DERL1: variants seen among roughly 807,000 people sequenced by gnomAD.
DERL1 encodes derlin-1.
DERL1 carries 24 observed loss-of-function variants against 41.6 expected under a neutral mutation model. The ratio of observed to expected loss-of-function variants is 0.58; its 90% CI spans 0.42 to 0.81. DERL1 has a LOEUF of 0.81. Ranked by LOEUF, DERL1 falls within the 30% of genes least tolerant of loss-of-function variation. DERL1 has a pLI of 0.00. For synonymous variants in DERL1, 124 were observed against 112.5 expected, an observed-to-expected ratio of 1.10 and a Z score of -0.65; for missense variants, 260 against 314.3, an observed-to-expected ratio of 0.83 and a Z score of 1.31.
intron 7 of DERL1, chr8:123,018,866 T>C (rs1814677950): frequency 3.1e-6 from 1 of 327,656 alleles, no homozygotes; most frequent in Non-Finnish European, 5.7e-6. Context: ...CCCACTAACC[T>C]GTGACTCTGC....
chr8:123,029,028 A>T (rs186592725), intron 2 of DERL1, among the ~76,000 whole-genome samples: 30 of 152,014 alleles, frequency 2.0e-4, no homozygotes, highest in African/African-American at 7.2e-4. Flanking sequence ...TGACTGTGCC[A>T]CTATACTCCA....
intron 3 of DERL1, among the ~76,000 whole-genome samples, chr8:123,024,282 T>G (rs1356128190): frequency 6.6e-6 from 1 of 152,208 alleles, no homozygotes; most frequent in Non-Finnish European, 1.5e-5. Context: ...ATAGCATGGT[T>G]AAAGTCCAAA....
intron 7 of DERL1, chr8:123,017,969 A>C (rs1814621115): frequency 6.6e-6 from 1 of 152,218 alleles, no homozygotes; most frequent in Non-Finnish European, 1.5e-5. Context: ...TCTTAAAGAA[A>C]AACACACACA....
chr8:123,013,562 C>CT lies in DERL1; in HGVS notation c.*1884dup. The CT allele has an allele frequency of 6.6e-6, 1 of 152,190 alleles. No individual in the cohort carries two copies. The highest frequency in any genetic ancestry group is 2.1e-4 in the South Asian group (1 of 4,834). 9.4% of individuals were successfully genotyped at this position (152,190 alleles called of 1,614,324 possible). ...CAAAATCAATAACGTCATCAGCTTC[C>CT]TAACCATGTTTAAGAGGAATAACTT... On this transcript the variant is annotated 3_prime_UTR_variant, in exon 8 of 8. Coordinates refer to ENST00000259512, the MANE Select transcript of DERL1 (RefSeq NM_024295.6).
At chr8:123,019,358 A>G in intron 6 of DERL1, 53 bp from the exon 7 acceptor site, 2 of 1,262,266 alleles carry the variant, frequency 1.6e-6, no homozygotes, top group Admixed American at 1.8e-5. Context: ...GAGATGCACC[A>G]AGTTTTAACT....
chr8:123,014,263 G>C lies in DERL1; in HGVS notation c.*1184C>G, dbSNP rs1282409137. On this transcript the variant is annotated 3_prime_UTR_variant, in exon 8 of 8. Coordinates refer to ENST00000259512, the MANE Select transcript of DERL1 (RefSeq NM_024295.6). ...TGATTCACAGAGCTTGTACATTCAT[G>C]ACTCAAAATAACACACCCTCAAACC... 1 of 152,634 alleles carries C rather than the reference G, an allele frequency of 6.6e-6. No individual in the cohort carries two copies. Among genetic ancestry groups the C allele is most frequent in the Non-Finnish European group, 1.5e-5 (1 of 68,054 alleles). The allele number at this position is 152,634 out of a possible 1,614,324, so 9.5% of individuals were successfully genotyped here.
At chr8:123,038,040 T>C (rs1029494804) in intron 1 of DERL1, among the ~76,000 whole-genome samples, 4 of 152,216 alleles carry the variant, frequency 2.6e-5, no homozygotes, top group Non-Finnish European at 4.4e-5. Flanking sequence ...GACAACAGTA[T>C]AATGAGTCTT....
chr8:123,033,138 T>C (rs1179750317), intron 1 of DERL1, among the ~76,000 whole-genome samples: 23 of 152,156 alleles, frequency 1.5e-4, no homozygotes, highest in Admixed American at 7.2e-4. Context: ...GCTGAAATTA[T>C]AGGCATGAGC....
rs145524578 is a variant in DERL1 at position 123,030,761 on chromosome 8, G to A, written c.154-45C>T. On this transcript the variant is annotated intron_variant, in intron 1 of 7. Transcript: ENST00000259512. ...CACAGCTGTTAGTTTCTGTAAGCCT[G>A]GTTATTTCTTTCCCTTCTAACTAAA... 589 of 1,363,692 alleles carry A rather than the reference G, an allele frequency of 4.3e-4. 2 individuals are homozygous for A. The African/African-American group carries it at 7.6e-3, about 18-fold the overall frequency. 84.5% of individuals were successfully genotyped at this position (1,363,692 alleles called of 1,614,324 possible).
In DERL1 at chr8:123,021,499, C is replaced by T. The variant is rs1814766467; in HGVS notation, c.454G>A (p.Ala152Thr). 21 of 1,613,562 alleles carry T rather than the reference C, an allele frequency of 1.3e-5. No individual in the cohort carries two copies. Among genetic ancestry groups the T allele is most frequent in the Non-Finnish European group, 1.8e-5 (21 of 1,179,616 alleles). Reference sequence around the variant, plus strand: ...AGGATAACCCAGGGTAAATAGCAGGCCTAGGATGGAATGAATATATGCAAA... The same window carrying T: ...AGGATAACCCAGGGTAAATAGCAGGTCTAGGATGGAATGAATATATGCAAA... ...VSFWFGTRFKACYLPWVILGF... is the reference protein window; with the variant it reads ...VSFWFGTRFKTCYLPWVILGF... Residue 152 changes from alanine (A) to threonine (T), a missense_variant and splice_region_variant, in exon 6 of 8, where the codon GCC (alanine) becomes ACC (threonine). Ala to Thr is a moderately conservative substitution (Grantham distance 58, BLOSUM62 0). Coordinates refer to ENST00000259512, the MANE Select transcript of DERL1 (RefSeq NM_024295.6).
chr8:123,039,503 T>C (rs755552810), intron 1 of DERL1, among the ~76,000 whole-genome samples: 33 of 152,194 alleles, frequency 2.2e-4, no homozygotes, highest in Non-Finnish European at 2.9e-5. Flanking sequence ...CCCAGTCTTC[T>C]TCCTGTTCCC....
intron 1 of DERL1, among the ~76,000 whole-genome samples, chr8:123,031,413 CG>C (rs1373548073): frequency 1.3e-5 from 2 of 151,980 alleles, no homozygotes; most frequent in East Asian, 3.9e-4. Context: ...GGTGAGGTGG[CG>C]GGGGCCTGTA....
rs372443341 is a variant in DERL1 at position 123,030,721 on chromosome 8, C to T, written c.154-5G>A. 11 of 1,589,420 alleles carry T rather than the reference C, an allele frequency of 6.9e-6. No homozygotes were observed. In the African/African-American group the frequency reaches 1.3e-4, roughly 19 times the overall value. ...GGCAGTGATTGGCCTCCAAATCTGT[C>T]CAGATCAAAATAAACACAGCTGTTA... On this transcript the variant is annotated splice_region_variant and splice_polypyrimidine_tract_variant and intron_variant, in intron 1 of 7. Coordinates refer to ENST00000259512, the MANE Select transcript of DERL1 (RefSeq NM_024295.6).
At chr8:123,018,048 AC>A (rs747332470) in intron 7 of DERL1, 12 of 152,306 alleles carry the variant, frequency 7.9e-5, no homozygotes, top group Non-Finnish European at 1.6e-4. Context: ...TGAAAAACAT[AC>A]CCCTACCCTA....
In DERL1 at chr8:123,014,055, T is replaced by C. The variant is rs1188294819; in HGVS notation, c.*1392A>G. The C allele has an allele frequency of 2.6e-5, 4 of 152,234 alleles. No individual in the cohort carries two copies. The highest frequency in any genetic ancestry group is 5.9e-5 in the Non-Finnish European group (4 of 68,036). The allele number at this position is 152,234 out of a possible 1,614,324, so 9.4% of individuals were successfully genotyped here. ...CTGATCAAAACGTTTGAAGCCTTTT[T>C]AGTTGCCTCAAAGTGTGACAGCCAC... On this transcript the variant is annotated 3_prime_UTR_variant, in exon 8 of 8. Transcript: ENST00000259512.
intron 2 of DERL1, 93 bp from the exon 3 acceptor site, chr8:123,025,143 G>A: frequency 1.5e-6 from 2 of 1,308,348 alleles, no homozygotes; most frequent in Non-Finnish European, 2.1e-6. Flanking sequence ...TACAGAAAAA[G>A]CCAAAATGAG....
At chr8:123,027,310 AAAAAAAAAAT>A (rs1335212388) in intron 2 of DERL1, among the ~76,000 whole-genome samples, 4 of 146,682 alleles carry the variant, frequency 2.7e-5, no homozygotes, top group East Asian at 2.0e-4. Flanking sequence ...AAAAAAAAAA[AAAAAAAAAAT>A]TTAGTGGTCT....
At position 123,015,299 on chromosome 8, in the gene DERL1, T is replaced by G; in HGVS notation, c.*148A>C. The G allele has an allele frequency of 9.2e-7, 1 of 1,081,570 alleles. No homozygotes were observed. The highest frequency in any genetic ancestry group is 2.1e-5 in the South Asian group (1 of 46,572). The allele number at this position is 1,081,570 out of a possible 1,614,324, so 67.0% of individuals were successfully genotyped here. On this transcript the variant is annotated 3_prime_UTR_variant, in exon 8 of 8. Transcript: ENST00000259512. ...ACTTGTGGAACACTTATATTTTTCTTCGGGATTTAAGAAACTTTGTCTCGT... is the reference window on the plus strand; with the variant it reads ...ACTTGTGGAACACTTATATTTTTCTGCGGGATTTAAGAAACTTTGTCTCGT...
At chr8:123,016,830 C>G (rs1319140079) in intron 7 of DERL1, 1 of 151,756 alleles carries the variant, frequency 6.6e-6, no homozygotes, top group African/African-American at 2.4e-5. Flanking sequence ...CAGACAACAA[C>G]TCGGGTTTTT....
Sources: allele counts gnomAD v4.1 joint callset (sites outside exome capture counted in the v4.1 genomes callset), GRCh38; gene constraint gnomAD v4.1.1; transcripts MANE v1.5; gene names NCBI Gene and HGNC (gene_info 2026-07-23, HGNC 2026-07-21).